Variants in NAT1 observed in about 807,000 individuals in gnomAD.
The protein encoded by NAT1 is arylamine N-acetyltransferase 1.
For synonymous variants in NAT1, 144 were observed against 122.6 expected, an observed-to-expected ratio of 1.17 and a Z score of -1.16; for missense variants, 400 against 339.2, an observed-to-expected ratio of 1.18 and a Z score of -1.41.
At position 18,222,419 on chromosome 8, in the gene NAT1, G is replaced by C. The variant is rs774495162; in HGVS notation, c.372G>C (p.Gly124=). Residue 124 remains glycine (G), a synonymous_variant, in exon 3 of 3, where the codon GGG becomes GGC. Transcript: ENST00000307719. ...IDGRNYIVDA[G]FGRSYQMWQP... is the part of the protein sequence containing the mutation. ...GCAGGAACTACATTGTCGATGCTGG[G>C]TTTGGACGCTCATACCAGATGTGGC... 3.1e-6 allele frequency: 5 copies of C among 1,613,956 alleles called. No individual in the cohort carries two copies. Among genetic ancestry groups the C allele is most frequent in the African/African-American group, 1.3e-5 (1 of 74,876 alleles).
At chr8:18,187,958 C>CAT (rs1376820018) in intron 2 of NAT1, among the ~76,000 whole-genome samples, 1 of 151,504 alleles carries the variant, frequency 6.6e-6, no homozygotes, top group African/African-American at 2.4e-5. Flanking sequence ...CACACACACA[C>CAT]ACACACACAC....
chr8:18,205,577 C>G (rs904761380), upstream of NAT1, among the ~76,000 whole-genome samples: 8 of 152,116 alleles, frequency 5.3e-5, no homozygotes, highest in Non-Finnish European at 1.2e-4. Flanking sequence ...GAGTGGCAGA[C>G]TGTACTCCCG....
intron 2 of NAT1, among the ~76,000 whole-genome samples, chr8:18,190,804 T>C (rs768736530): frequency 2.0e-5 from 3 of 152,124 alleles, no homozygotes; most frequent in Non-Finnish European, 4.4e-5. Flanking sequence ...TGGTGACTCA[T>C]GCCTGTAATC....
chr8:18,190,039 C>T lies in NAT1; in HGVS notation n.92+19300C>T, dbSNP rs149681297. Reference sequence around the variant, plus strand: ...TCCTGACCACAAGGGATCTGTCCACCTTGGCCTCCCAAAGTGCTGGGATTA... The same window carrying T: ...TCCTGACCACAAGGGATCTGTCCACTTTGGCCTCCCAAAGTGCTGGGATTA... On this transcript the variant is annotated intron_variant and non_coding_transcript_variant, in intron 2 of 4. Transcript: ENST00000517441. Among the ~76,000 whole-genome samples, 1,510 of 152,310 alleles carry T rather than the reference C, an allele frequency of 9.9e-3. 15 individuals are homozygous for T. Among genetic ancestry groups the T allele is most frequent in the Middle Eastern group, 0.078 (23 of 294 alleles).
chr8:18,184,277 G>C (rs1303440712), intron 2 of NAT1, among the ~76,000 whole-genome samples: 1 of 152,160 alleles, frequency 6.6e-6, no homozygotes. Context: ...GGAAGACTAG[G>C]TGTGGCCAAG....
At chr8:18,182,326 T>C (rs182050403) in intron 2 of NAT1, among the ~76,000 whole-genome samples, 28 of 152,342 alleles carry the variant, frequency 1.8e-4, no homozygotes, top group African/African-American at 6.7e-4. Context: ...CAGTCTTTTT[T>C]TATAATTAAT....
At chr8:18,191,790 A>G (rs2117259181) in intron 2 of NAT1, among the ~76,000 whole-genome samples, 1 of 151,358 alleles carries the variant, frequency 6.6e-6, no homozygotes, top group East Asian at 1.9e-4. Flanking sequence ...AGCCATATGT[A>G]GAAAGCTGAA....
intron 2 of NAT1, among the ~76,000 whole-genome samples, chr8:18,174,762 T>C (rs1802222945): frequency 6.6e-6 from 1 of 152,120 alleles, no homozygotes; most frequent in South Asian, 2.1e-4. Flanking sequence ...TTTCTAGCTC[T>C]ATAACTCTGG....
intron 2 of NAT1, among the ~76,000 whole-genome samples, chr8:18,190,386 C>T (rs1328521605): frequency 6.6e-6 from 1 of 152,232 alleles, no homozygotes; most frequent in Non-Finnish European, 1.5e-5. Context: ...TTGAACACAG[C>T]CTAGAGTATT....
At chr8:18,190,763 T>G (rs1192221954) in intron 2 of NAT1, among the ~76,000 whole-genome samples, 1 of 151,954 alleles carries the variant, frequency 6.6e-6, no homozygotes, top group South Asian at 2.1e-4. Context: ...AATAAGTAAA[T>G]ATATAGATAG....
upstream of NAT1, chr8:18,209,636 A>T (rs995332170): frequency 1.3e-5 from 2 of 152,230 alleles, no homozygotes; most frequent in African/African-American, 4.8e-5. Flanking sequence ...CAGTGCCTTC[A>T]GGTAGAGAGG....
intron 2 of NAT1, among the ~76,000 whole-genome samples, chr8:18,193,506 AATAT>A (rs373866185): frequency 1.4e-4 from 19 of 132,486 alleles, no homozygotes; most frequent in Admixed American, 7.3e-5. Flanking sequence ...ATATATATAT[AATAT>A]ATATATATAT....
At chr8:18,217,671 C>T (rs1223935115) in intron 1 of NAT1, among the ~76,000 whole-genome samples, 6 of 152,178 alleles carry the variant, frequency 3.9e-5, no homozygotes, top group Admixed American at 3.3e-4. Context: ...CAGAGATTCA[C>T]AACTGAGAAA....
rs762718093 is a variant in NAT1 at position 18,222,076 on chromosome 8, T to A, written c.29T>A (p.Ile10Asn). 6.2e-7 allele frequency: 1 copy of A among 1,613,602 alleles called. No individual in the cohort carries two copies. Among genetic ancestry groups the A allele is most frequent in the African/African-American group, 1.3e-5 (1 of 74,922 alleles). The change falls in exon 3 of 3, where the codon ATT becomes AAT. Residue 10 changes from isoleucine to asparagine, a missense_variant. Physicochemically the swap from Ile to Asn is moderately radical, Grantham distance 149 (BLOSUM62 -3). Transcript: ENST00000307719. ...GACATTGAAGCATATCTTGAAAGAATTGGCTATAAGAAGTCTAGGAACAAA... is the reference window on the plus strand; with the variant it reads ...GACATTGAAGCATATCTTGAAAGAAATGGCTATAAGAAGTCTAGGAACAAA... MDIEAYLERIGYKKSRNKLD... is the reference protein window; with the variant it reads MDIEAYLERNGYKKSRNKLD...
intron 2 of NAT1, among the ~76,000 whole-genome samples, chr8:18,178,289 C>T (rs990916152): frequency 1.4e-5 from 2 of 143,136 alleles, no homozygotes; most frequent in African/African-American, 6.1e-5. Flanking sequence ...ACTTCTTAGA[C>T]AGCATTCCTT....
intron 2 of NAT1, among the ~76,000 whole-genome samples, chr8:18,174,601 C>T (rs7003927): frequency 0.26 from 39,635 of 151,868 alleles, 5,761 homozygotes; most frequent in African/African-American, 0.38. Context: ...ATTCAAAATC[C>T]GGAGGAGTCC....
intron 2 of NAT1, among the ~76,000 whole-genome samples, chr8:18,182,004 C>G (rs910220408): frequency 2.0e-5 from 3 of 152,164 alleles, no homozygotes; most frequent in African/African-American, 7.2e-5. Context: ...AATTCCCATA[C>G]CCACTTCCCA....
chr8:18,222,290 T>C lies in NAT1; in HGVS notation c.243T>C (p.Thr81=), dbSNP rs1256019827. 4 of 1,614,000 alleles carry C rather than the reference T, an allele frequency of 2.5e-6. No homozygotes were observed. The African/African-American group carries it at 4.0e-5, about 16-fold the overall frequency. Residue 81 remains threonine (T), a synonymous_variant, in exon 3 of 3, where the codon ACT becomes ACC. Transcript: ENST00000307719. The stretch of plus-strand genomic sequence containing the variant: ...ATCTTCTGTACTGGGCTCTGACCAC[T>C]ATTGGTTTTGAGACCACGATGTTGG... ...VNHLLYWALT[T]IGFETTMLGG...
intron 2 of NAT1, among the ~76,000 whole-genome samples, chr8:18,221,152 A>T (rs1444265576): frequency 1.3e-5 from 2 of 151,978 alleles, no homozygotes; most frequent in East Asian, 3.9e-4. Context: ...TGCTCCAATT[A>T]CCCTTGCTTC....
Sources: gnomAD v4.1 joint callset for allele counts (sites outside exome capture counted in the v4.1 genomes callset) on GRCh38, gnomAD v4.1.1 for gene constraint, MANE v1.5 for transcripts, NCBI Gene and HGNC (gene_info 2026-07-23, HGNC 2026-07-21) for gene names.